Variants in ELMOD1 observed in about 807,000 individuals in gnomAD.
The protein encoded by ELMOD1 is ELMO domain-containing protein 1.
A neutral mutation model predicts 46.7 loss-of-function variants in ELMOD1; 21 were observed. The ratio of observed to expected loss-of-function variants is 0.45; its 90% CI spans 0.32 to 0.65. ELMOD1 has a LOEUF of 0.65. Ranked by LOEUF, ELMOD1 falls within the 30% of genes least tolerant of loss-of-function variation. The probability of loss-of-function intolerance (pLI) is 0.04; values close to 1 mark genes in which losing one functional copy is unlikely to be tolerated. For missense variants in ELMOD1, 348 were observed against 407.8 expected (o/e 0.85, Z 1.26); for synonymous variants, 122 against 138.2 (o/e 0.88, Z 0.82).
intron 2 of ELMOD1, among the ~76,000 whole-genome samples, chr11:107,627,862 G>T (rs1866069609): frequency 6.6e-6 from 1 of 152,170 alleles, no homozygotes; most frequent in Non-Finnish European, 1.5e-5. Context: ...TTTTGCTAGA[G>T]TTCTGCCACA....
chr11:107,643,644 C>T (rs1322558308), intron 6 of ELMOD1: 2 of 532,056 alleles, frequency 3.8e-6, no homozygotes, highest in Non-Finnish European at 7.7e-6. Flanking sequence ...ACAGCAAGTC[C>T]ATTTAGCTCA....
At chr11:107,643,636 A>G in intron 6 of ELMOD1, 4 of 532,350 alleles carry the variant, frequency 7.5e-6, no homozygotes, top group Non-Finnish European at 1.5e-5. Context: ...GAAGTTTGAC[A>G]GCAAGTCCAT....
intron 1 of ELMOD1, among the ~76,000 whole-genome samples, chr11:107,603,129 C>G (rs1264744408): frequency 6.6e-6 from 1 of 152,218 alleles, no homozygotes; most frequent in Non-Finnish European, 1.5e-5. Flanking sequence ...AGTTCAGAGC[C>G]TCTCTAGCTC....
chr11:107,609,281 T>C (rs1865737737), intron 1 of ELMOD1, among the ~76,000 whole-genome samples: 1 of 152,354 alleles, frequency 6.6e-6, no homozygotes, highest in Non-Finnish European at 1.5e-5. Flanking sequence ...GTCTACAACT[T>C]TTTATTAAAC....
chr11:107,616,061 T>C (rs986147710), intron 1 of ELMOD1, among the ~76,000 whole-genome samples: 1 of 141,026 alleles, frequency 7.1e-6, no homozygotes, highest in Non-Finnish European at 1.5e-5. Flanking sequence ...AGTGGTGCCA[T>C]CTTGCCTCAC....
At chr11:107,610,998 C>CAAAAAAAAA (rs58417281) in intron 1 of ELMOD1, among the ~76,000 whole-genome samples, 9 of 95,790 alleles carry the variant, frequency 9.4e-5, no homozygotes, top group East Asian at 3.0e-4. Context: ...TGTAAGAATC[C>CAAAAAAAAA]AAAAAAAAAA....
intron 11 of ELMOD1, among the ~76,000 whole-genome samples, chr11:107,660,202 A>C (rs1428542353): frequency 6.6e-6 from 1 of 152,166 alleles, no homozygotes; most frequent in Non-Finnish European, 1.5e-5. Context: ...CTACTAACCA[A>C]ATGCAGTGAA....
At chr11:107,594,518 T>C (rs1425495296) in intron 1 of ELMOD1, among the ~76,000 whole-genome samples, 1 of 152,220 alleles carries the variant, frequency 6.6e-6, no homozygotes, top group Non-Finnish European at 1.5e-5. Flanking sequence ...AAAATAGCAA[T>C]TGATCTGCTC....
chr11:107,629,159 G>C (rs79573642), intron 2 of ELMOD1, among the ~76,000 whole-genome samples: 4 of 152,036 alleles, frequency 2.6e-5, no homozygotes, highest in African/African-American at 9.7e-5. Context: ...CAGACTGTTC[G>C]AGTTTTTATT....
intron 2 of ELMOD1, among the ~76,000 whole-genome samples, chr11:107,630,050 T>C (rs577724601): frequency 6.6e-6 from 1 of 152,282 alleles, no homozygotes; most frequent in Non-Finnish European, 1.5e-5. Flanking sequence ...GAGCATGTTC[T>C]TCCCCCACGT....
chr11:107,598,605 A>G (rs1157375515), intron 1 of ELMOD1, among the ~76,000 whole-genome samples: 1 of 152,218 alleles, frequency 6.6e-6, no homozygotes, highest in African/African-American at 2.4e-5. Flanking sequence ...TGAAAGTGCC[A>G]GATGGTTCCT....
chr11:107,598,264 G>A (rs1459740958), intron 1 of ELMOD1, among the ~76,000 whole-genome samples: 1 of 152,148 alleles, frequency 6.6e-6, no homozygotes, highest in African/African-American at 2.4e-5. Flanking sequence ...AAATCTGGTG[G>A]TGTAATTCCA....
chr11:107,635,680 A>G lies in ELMOD1; in HGVS notation c.335A>G (p.Tyr112Cys). The G allele has an allele frequency of 6.2e-7, 1 of 1,613,954 alleles. No homozygotes were observed. The highest frequency in any genetic ancestry group is 8.5e-7 in the Non-Finnish European group (1 of 1,179,846). Residue 112 changes from tyrosine to cysteine, a missense_variant, in exon 6 of 12, where the codon TAC (tyrosine) becomes TGC (cysteine). Coordinates refer to ENST00000265840, the MANE Select transcript of ELMOD1 (RefSeq NM_018712.4). ...GCTTGCCTTCTGCAAATCGTTGGGT[A>G]CAGGAACCTTATTGCAGATGTGGAA... is the stretch of plus-strand genomic sequence containing the variant. ...LQACLLQIVG[Y>C]RNLIADVEKL...
At position 107,611,832 on chromosome 11, in the gene ELMOD1, A is replaced by G. The variant is rs369750287; in HGVS notation, c.-85-6273A>G. Among the ~76,000 whole-genome samples, 16 of 152,276 alleles carry G rather than the reference A, an allele frequency of 1.1e-4. 1 individual carries two copies. Among genetic ancestry groups the G allele is most frequent in the African/African-American group, 3.8e-4 (16 of 41,568 alleles). On this transcript the variant is annotated intron_variant, in intron 1 of 11. Transcript: ENST00000265840. ...AAACCACAATGAGATACCATCTCAC[A>G]TTAGCAAGAATGGCTATTATTAAGA...
At chr11:107,649,635 T>G (rs1308100268) in intron 7 of ELMOD1, among the ~76,000 whole-genome samples, 1 of 152,188 alleles carries the variant, frequency 6.6e-6, no homozygotes, top group Non-Finnish European at 1.5e-5. Flanking sequence ...AATTGCTGAC[T>G]TGGGTTTGAA....
intron 11 of ELMOD1, among the ~76,000 whole-genome samples, chr11:107,656,487 G>T (rs665357): frequency 0.23 from 33,710 of 148,400 alleles, 7,503 homozygotes; most frequent in African/African-American, 0.57. Flanking sequence ...ATATAATATA[G>T]AGAGAGAGAG....
chr11:107,623,070 A>C (rs1205896231), intron 2 of ELMOD1, among the ~76,000 whole-genome samples: 1 of 152,088 alleles, frequency 6.6e-6, no homozygotes, highest in Non-Finnish European at 1.5e-5. Context: ...GGTGTGCTGT[A>C]CCCATTAACT....
At chr11:107,660,238 A>G (rs892335601) in intron 11 of ELMOD1, among the ~76,000 whole-genome samples, 1 of 152,228 alleles carries the variant, frequency 6.6e-6, no homozygotes, top group African/African-American at 2.4e-5. Flanking sequence ...TCAAGCAGCA[A>G]CAAATATGCT....
chr11:107,659,418 C>T (rs1188927037), intron 11 of ELMOD1, among the ~76,000 whole-genome samples: 1 of 151,994 alleles, frequency 6.6e-6, no homozygotes, highest in Admixed American at 6.6e-5. Context: ...TGGGCATTCT[C>T]ATAATGTAGG....
Sources: allele counts gnomAD v4.1 joint callset (sites outside exome capture counted in the v4.1 genomes callset), GRCh38; gene constraint gnomAD v4.1.1; transcripts MANE v1.5; gene names NCBI Gene and HGNC (gene_info 2026-07-23, HGNC 2026-07-21).